NCK1: variants seen among roughly 807,000 people sequenced by gnomAD.
NCK1 encodes SH2/SH3 adapter protein NCK1.
A neutral mutation model predicts 36.6 loss-of-function variants in NCK1; 19 were observed. The ratio of observed to expected loss-of-function variants is 0.52; its 90% CI spans 0.36 to 0.76. The LOEUF is 0.76. NCK1 is among the 30% of genes least tolerant of loss of function. The probability of loss-of-function intolerance (pLI) is 0.00; values close to 1 mark genes in which losing one functional copy is unlikely to be tolerated. For synonymous variants in NCK1, 165 were observed against 156.0 expected (o/e 1.06, Z -0.43); for missense variants, 358 against 445.6 (o/e 0.80, Z 1.77).
intron 1 of NCK1, among the ~76,000 whole-genome samples, chr3:136,878,088 A>G (rs1938824140): frequency 6.6e-6 from 1 of 152,210 alleles, no homozygotes. Flanking sequence ...TGTATGATAC[A>G]TGCTATAACA....
intron 1 of NCK1, among the ~76,000 whole-genome samples, chr3:136,925,670 C>T (rs919057130): frequency 6.6e-6 from 1 of 152,122 alleles, no homozygotes; most frequent in East Asian, 1.9e-4. Context: ...CCTGGAGATT[C>T]ATCCAGGTCG....
rs532058836 is a variant in NCK1, at chr3:136,932,697, A to G, written c.226+4470A>G. 2.8e-4 allele frequency among the ~76,000 whole-genome samples: 43 copies of G among 152,336 alleles called. 1 individual carries two copies. In the South Asian group the frequency reaches 4.4e-3, roughly 15 times the overall value. On this transcript the variant is annotated intron_variant, in intron 2 of 3. Coordinates refer to ENST00000481752, the MANE Select transcript of NCK1 (RefSeq NM_001291999.2). ...AGAGAGAGTTGGGCAAGACTAAATG[A>G]TCCTGGAAAGTCCCTTCTAACTCTA...
At chr3:136,870,192 T>C (rs1560029918) in intron 1 of NCK1, among the ~76,000 whole-genome samples, 1 of 151,702 alleles carries the variant, frequency 6.6e-6, no homozygotes, top group Non-Finnish European at 1.5e-5. Flanking sequence ...TAATACAAAA[T>C]TTAGCTGGGC....
In NCK1 at chr3:136,881,469, C is replaced by T. The variant is rs536327347; in HGVS notation, c.-19+19116C>T. Among the ~76,000 whole-genome samples, 7 of 152,274 alleles carry T rather than the reference C, an allele frequency of 4.6e-5. No homozygotes were observed. In the South Asian group the frequency reaches 1.0e-3, roughly 23 times the overall value. ...TCCTGACCTCATGATCTGCCCGCCTCGGCCTCCCAAGTGCTGGGATTGGAG... is the reference window on the plus strand; with the variant it reads ...TCCTGACCTCATGATCTGCCCGCCTTGGCCTCCCAAGTGCTGGGATTGGAG... On this transcript the variant is annotated intron_variant, in intron 1 of 3. Coordinates refer to ENST00000481752, the MANE Select transcript of NCK1 (RefSeq NM_001291999.2).
In NCK1 at chr3:136,946,167, C is replaced by G; in HGVS notation, c.811C>G (p.Pro271Ala). The change falls in exon 3 of 4, where the codon CCT becomes GCT. Residue 271 changes from proline (P) to alanine (A), a missense_variant. By Grantham distance (27) the Pro-to-Ala change is conservative. This residue lies in a region of NCK1 where 207 missense variants were observed against 253.4 expected (regional missense o/e 0.82). Transcript: ENST00000481752. ...PSPPQCDYIR[P>A]SLTGKFAGNP... is the part of the protein sequence containing the mutation. Reference sequence around the variant, plus strand: ...ACCTCCACAGTGTGATTACATTAGGCCTTCACTCACTGGAAAGTTTGCTGG... The same window carrying G: ...ACCTCCACAGTGTGATTACATTAGGGCTTCACTCACTGGAAAGTTTGCTGG... 2 of 1,613,406 alleles carry G rather than the reference C, an allele frequency of 1.2e-6. No individual in the cohort carries two copies. The highest frequency in any genetic ancestry group is 1.7e-6 in the Non-Finnish European group (2 of 1,179,852).
At chr3:136,935,845 T>C (rs187980799) in intron 2 of NCK1, among the ~76,000 whole-genome samples, 1 of 152,208 alleles carries the variant, frequency 6.6e-6, no homozygotes, top group Admixed American at 6.5e-5. Context: ...AAATAGTCAC[T>C]CTCAATCAGT....
At chr3:136,926,343 C>A (rs1053543772) in intron 1 of NCK1, among the ~76,000 whole-genome samples, 1 of 151,738 alleles carries the variant, frequency 6.6e-6, no homozygotes, top group African/African-American at 2.4e-5. Context: ...GGCGCGATCT[C>A]GGCTCACTGC....
intron 1 of NCK1, among the ~76,000 whole-genome samples, chr3:136,902,008 T>G (rs1939552155): frequency 6.6e-6 from 1 of 152,134 alleles, no homozygotes; most frequent in South Asian, 2.1e-4. Context: ...ATTTCCCTCT[T>G]TGCACTGTTT....
chr3:136,930,939 A>T (rs1940374462), intron 2 of NCK1, among the ~76,000 whole-genome samples: 1 of 151,894 alleles, frequency 6.6e-6, no homozygotes, highest in Non-Finnish European at 1.5e-5. Context: ...GATAAAAAGG[A>T]TTAGGTGAAC....
chr3:136,900,629 A>AAAAGGGAATGCCTT (rs1298793037), intron 1 of NCK1, among the ~76,000 whole-genome samples: 2 of 152,058 alleles, frequency 1.3e-5, no homozygotes, highest in Non-Finnish European at 2.9e-5. Context: ...AGCTATTGTA[A>AAAAGGGAATGCCTT]AAAGGGAATG....
chr3:136,915,151 CACAG>C (rs1241833113), intron 1 of NCK1, among the ~76,000 whole-genome samples: 1 of 152,140 alleles, frequency 6.6e-6, no homozygotes, highest in East Asian at 1.9e-4. Context: ...TTTGTAGCAA[CACAG>C]ACAGACTAAT....
At chr3:136,931,970 A>G (rs1366591240) in intron 2 of NCK1, among the ~76,000 whole-genome samples, 1 of 152,150 alleles carries the variant, frequency 6.6e-6, no homozygotes, top group African/African-American at 2.4e-5. Flanking sequence ...AAATGCAAAC[A>G]TTAGCTGGGC....
intron 1 of NCK1, among the ~76,000 whole-genome samples, chr3:136,883,140 C>T (rs374362879): frequency 4.3e-4 from 65 of 152,252 alleles, no homozygotes; most frequent in East Asian, 1.2e-3. Flanking sequence ...AGGCTGGTCT[C>T]GTACTACTGG....
chr3:136,941,599 A>G (rs1268354201), intron 2 of NCK1, among the ~76,000 whole-genome samples: 1 of 152,076 alleles, frequency 6.6e-6, no homozygotes, highest in Non-Finnish European at 1.5e-5. Flanking sequence ...TTGCAGCTCC[A>G]TCTTTGTATA....
At chr3:136,921,040 G>A (rs1001937868) in intron 1 of NCK1, among the ~76,000 whole-genome samples, 5 of 152,178 alleles carry the variant, frequency 3.3e-5, no homozygotes, top group Non-Finnish European at 5.9e-5. Flanking sequence ...AGAGGTAACT[G>A]AGGTAAAATG....
chr3:136,910,021 C>T (rs949369966), intron 1 of NCK1, among the ~76,000 whole-genome samples: 1 of 151,980 alleles, frequency 6.6e-6, no homozygotes, highest in Admixed American at 6.6e-5. Context: ...TTTTTCTATT[C>T]ATCTTGCCAA....
intron 1 of NCK1, among the ~76,000 whole-genome samples, chr3:136,873,396 TC>T (rs1426080167): frequency 6.6e-6 from 1 of 152,192 alleles, no homozygotes; most frequent in East Asian, 1.9e-4. Flanking sequence ...TTTACCCAAT[TC>T]CTGTACCCCC....
At chr3:136,926,024 A>C (rs1455559663) in intron 1 of NCK1, among the ~76,000 whole-genome samples, 1 of 152,158 alleles carries the variant, frequency 6.6e-6, no homozygotes, top group African/African-American at 2.4e-5. Flanking sequence ...CATTCTGACA[A>C]GCGTATGTAG....
In NCK1 at chr3:136,948,612, A is replaced by AG; in HGVS notation, c.*159_*160insG. 2 of 612,894 alleles carry AG rather than the reference A, an allele frequency of 3.3e-6. No individual in the cohort carries two copies. The highest frequency in any genetic ancestry group is 2.8e-6 in the Non-Finnish European group (1 of 352,682). 38.0% of individuals were successfully genotyped at this position (612,894 alleles called of 1,614,324 possible). A position where few individuals can be genotyped will look rare whatever the true frequency, so the allele number is the denominator to read the frequency against. On this transcript the variant is annotated 3_prime_UTR_variant, in exon 4 of 4. Coordinates refer to ENST00000481752, the MANE Select transcript of NCK1 (RefSeq NM_001291999.2). ...TTTTATTATAACTCAGCCCATACAT[A>AG]TATACTATGTATGCAGTGCATCTGC... is the stretch of plus-strand genomic sequence containing the variant.
Sources: allele counts gnomAD v4.1 joint callset (sites outside exome capture counted in the v4.1 genomes callset), GRCh38; gene constraint gnomAD v4.1.1; regional missense constraint gnomAD v4.1.1; transcripts MANE v1.5; gene names NCBI Gene and HGNC (gene_info 2026-07-23, HGNC 2026-07-21).